ASPRV1: variants seen among roughly 807,000 people sequenced by gnomAD.
ASPRV1 encodes aspartic peptidase retroviral like 1, also known as retroviral-like aspartic protease 1.
In ASPRV1, 7 loss-of-function variants were observed where a neutral mutation model predicts 11.0. That is an observed-to-expected ratio of 0.64 (90% CI 0.36 to 1.20). The LOEUF (loss-of-function observed/expected upper bound fraction) is 1.20. Among genes scored for constraint, ASPRV1 ranks in the 50% most tolerant of loss-of-function variants. ASPRV1 has a pLI of 0.02. For synonymous variants in ASPRV1, 136 were observed against 138.4 expected (o/e 0.98, Z 0.12); for missense variants, 299 against 320.0 (o/e 0.93, Z 0.50).
chr2:69,942,378 A>G, the ASPRV1 span: 9 of 152,124 alleles, frequency 5.9e-5, no homozygotes, highest in African/African-American at 2.2e-4. Flanking sequence ...TTCATTATCA[A>G]TATTACATGG....
chr2:69,976,376 A>G, the ASPRV1 span: 1 of 152,304 alleles, frequency 6.6e-6, no homozygotes, highest in Non-Finnish European at 1.5e-5. Context: ...CGCAGTCTTC[A>G]CCGCAACCTC....
chr2:70,036,860 C>T, the ASPRV1 span, among the ~76,000 whole-genome samples: 1 of 152,036 alleles, frequency 6.6e-6, no homozygotes, highest in Non-Finnish European at 1.5e-5. Context: ...GCTGTTGTGG[C>T]TGTTGTTTAT....
At chr2:70,073,912 T>C in the ASPRV1 span, among the ~76,000 whole-genome samples, 1 of 151,868 alleles carries the variant, frequency 6.6e-6, no homozygotes, top group Non-Finnish European at 1.5e-5. Context: ...AATGGGCAGA[T>C]CACGAGGTCA....
the ASPRV1 span, among the ~76,000 whole-genome samples, chr2:70,036,587 T>G: frequency 7.2e-5 from 11 of 152,056 alleles, no homozygotes; most frequent in African/African-American, 2.7e-4. Context: ...AGTGTACACA[T>G]AAACAAAAAA....
the ASPRV1 span, among the ~76,000 whole-genome samples, chr2:70,053,287 T>C: frequency 2.0e-5 from 3 of 152,104 alleles, no homozygotes; most frequent in African/African-American, 7.2e-5. Flanking sequence ...TGTTTGAGCA[T>C]AATGCCACAA....
At chr2:70,064,436 G>A in the ASPRV1 span, among the ~76,000 whole-genome samples, 7 of 152,284 alleles carry the variant, frequency 4.6e-5, no homozygotes, top group Admixed American at 3.9e-4. Flanking sequence ...CAATACATAT[G>A]ATAATTAATG....
chr2:70,085,148 G>T, the ASPRV1 span, among the ~76,000 whole-genome samples: 1 of 152,156 alleles, frequency 6.6e-6, no homozygotes, highest in African/African-American at 2.4e-5. Context: ...TACCTGGTTG[G>T]GGTGCTGGGG....
the ASPRV1 span, among the ~76,000 whole-genome samples, chr2:70,020,303 C>T: frequency 2.0e-5 from 3 of 152,010 alleles, no homozygotes; most frequent in Admixed American, 6.6e-5. Context: ...ATGTTTGTTG[C>T]GGTATTATCA....
chr2:70,001,193 T>C, the ASPRV1 span, among the ~76,000 whole-genome samples: 19 of 152,118 alleles, frequency 1.2e-4, no homozygotes, highest in Non-Finnish European at 2.2e-4. Context: ...AGTATTGAGA[T>C]AGTTTGTTTG....
the ASPRV1 span, among the ~76,000 whole-genome samples, chr2:70,041,808 T>TC: frequency 7.9e-5 from 12 of 152,292 alleles, no homozygotes; most frequent in Non-Finnish European, 1.3e-4. Context: ...ATTTACCACT[T>TC]CCTGTTTCCA....
the ASPRV1 span, among the ~76,000 whole-genome samples, chr2:70,061,297 A>G: frequency 6.6e-6 from 1 of 151,836 alleles, no homozygotes; most frequent in Non-Finnish European, 1.5e-5. Context: ...TGAGAAGCTG[A>G]GACAGGAGAA....
At position 69,961,236 on chromosome 2, in the gene ASPRV1, A is replaced by C. The variant is rs200484241; in HGVS notation, c.201T>G (p.Asn67Lys). The change falls in exon 1 of 1, where the codon AAT (asparagine) becomes AAG (lysine). Residue 67 changes from asparagine to lysine, a missense_variant. Asn to Lys is a moderately conservative substitution (Grantham distance 94). Transcript: ENST00000320256. Reference protein sequence around the residue: ...SLRGEALGVYNRLSPQDQGDY... With the variant: ...SLRGEALGVYKRLSPQDQGDY... ...CTCCCTGGTCCTGGGGACTGAGCCT[A>C]TTGTAGACACCCAGGGCCTCTCCTC... 2 of 1,614,008 alleles carry C rather than the reference A, an allele frequency of 1.2e-6. No homozygotes were observed. The highest frequency in any genetic ancestry group is 2.2e-5 in the South Asian group (2 of 91,072).
chr2:70,058,009 G>A, the ASPRV1 span, among the ~76,000 whole-genome samples: 1 of 151,788 alleles, frequency 6.6e-6, no homozygotes, highest in Admixed American at 6.6e-5. Flanking sequence ...TGGCCAGGAT[G>A]GTCTTGATCG....
chr2:69,937,674 G>T, the ASPRV1 span, among the ~76,000 whole-genome samples: 2 of 152,188 alleles, frequency 1.3e-5, no homozygotes, highest in Admixed American at 1.3e-4. Context: ...GAGTGCAGTG[G>T]TGTGATCTTG....
upstream of ASPRV1, chr2:69,963,379 T>C (rs369179667): frequency 2.7e-4 from 123 of 456,772 alleles, no homozygotes; most frequent in African/African-American, 2.0e-3. Flanking sequence ...AAGCCCTTTC[T>C]GCAGATGGAC....
At chr2:70,042,245 AAAGCT>A in the ASPRV1 span, among the ~76,000 whole-genome samples, 138 of 152,318 alleles carry the variant, frequency 9.1e-4, no homozygotes, top group African/African-American at 3.2e-3. Flanking sequence ...AGAGCTCAAC[AAAGCT>A]AAGAGCCTTG....
At chr2:70,061,688 C>T in the ASPRV1 span, among the ~76,000 whole-genome samples, 1 of 152,162 alleles carries the variant, frequency 6.6e-6, no homozygotes, top group African/African-American at 2.4e-5. Context: ...GGTGCAGTGG[C>T]TCACACCTGT....
the ASPRV1 span, chr2:69,937,964 C>G: frequency 1.2e-6 from 1 of 800,496 alleles, no homozygotes; most frequent in South Asian, 1.8e-5. Flanking sequence ...CCCAGCTGGT[C>G]TCAAACTCCT....
At chr2:70,021,728 G>A in the ASPRV1 span, among the ~76,000 whole-genome samples, 5 of 150,856 alleles carry the variant, frequency 3.3e-5, no homozygotes, top group Admixed American at 2.6e-4. Context: ...TTTTGAGACA[G>A]AGTCTCTCTC....
Sources: allele counts gnomAD v4.1 joint callset (sites outside exome capture counted in the v4.1 genomes callset), GRCh38; gene constraint gnomAD v4.1.1; transcripts MANE v1.5; gene names NCBI Gene and HGNC (gene_info 2026-07-23, HGNC 2026-07-21).